AVL9: variants seen among roughly 807,000 people sequenced by gnomAD.
AVL9 encodes AVL9 cell migration associated.
AVL9 carries 49 observed loss-of-function variants against 79.2 expected under a neutral mutation model. The ratio of observed to expected loss-of-function variants is 0.62; its 90% confidence interval spans 0.49 to 0.79. The LOEUF (loss-of-function observed/expected upper bound fraction) is 0.79. Among genes scored for constraint, AVL9 ranks in the 30% least tolerant of loss-of-function variants. AVL9 has a pLI of 0.00. For synonymous variants in AVL9, 299 were observed against 280.6 expected (o/e 1.07, Z -0.65); for missense variants, 682 against 776.8 (o/e 0.88, Z 1.45).
chr7:32,568,545 A>G (rs893707078), intron 10 of AVL9, among the ~76,000 whole-genome samples: 1 of 152,184 alleles, frequency 6.6e-6, no homozygotes, highest in South Asian at 2.1e-4. Context: ...TTATGGCTGC[A>G]GGTTCATTGT....
intron 11 of AVL9, among the ~76,000 whole-genome samples, chr7:32,571,671 T>C (rs923758191): frequency 1.4e-5 from 1 of 71,036 alleles, no homozygotes. Flanking sequence ...AATCCCAAAT[T>C]TGAAGAAGAA....
At chr7:32,549,212 TATA>T (rs143497570) in intron 4 of AVL9, among the ~76,000 whole-genome samples, 15,639 of 50,602 alleles carry the variant, frequency 0.31, 1,159 homozygotes, top group African/African-American at 0.36. Context: ...AAAAAAATTT[TATA>T]TATATATATA....
In AVL9 at chr7:32,588,321, A is replaced by G. The variant is rs1485858957; in HGVS notation, c.*4414A>G. 6.6e-6 allele frequency: 1 copy of G among 152,192 alleles called. No homozygotes were observed. Among genetic ancestry groups the G allele is most frequent in the Non-Finnish European group, 1.5e-5 (1 of 68,028 alleles). The allele number at this position is 152,192 out of a possible 1,614,324, so 9.4% of individuals were successfully genotyped here. On this transcript the variant is annotated 3_prime_UTR_variant, in exon 16 of 16. Transcript: ENST00000318709. ...ATATTAGTATTTTGTAGCTGGAAGAATAAGATCAAGGCTTACATGTTTCAG... is the reference window on the plus strand; with the variant it reads ...ATATTAGTATTTTGTAGCTGGAAGAGTAAGATCAAGGCTTACATGTTTCAG...
At chr7:32,554,531 A>G (rs944792537) in intron 7 of AVL9, 27 bp from the exon 8 acceptor site, 12 of 1,469,434 alleles carry the variant, frequency 8.2e-6, no homozygotes, top group South Asian at 2.5e-5. Context: ...TCTCATTTCA[A>G]TACAACATTT....
intron 1 of AVL9, among the ~76,000 whole-genome samples, chr7:32,502,406 A>G (rs575766188): frequency 3.4e-4 from 47 of 140,158 alleles, no homozygotes; most frequent in Non-Finnish European, 3.7e-4. Context: ...AAAAAAAAAA[A>G]AAAGAAAGAA....
chr7:32,535,271 C>T (rs1157655578), intron 1 of AVL9: 1 of 152,190 alleles, frequency 6.6e-6, no homozygotes, highest in Admixed American at 6.5e-5. Flanking sequence ...TTGGTTTCCA[C>T]TGAGCTCCTT....
intron 8 of AVL9, among the ~76,000 whole-genome samples, chr7:32,555,061 G>A (rs539854685): frequency 1.2e-4 from 18 of 152,234 alleles, no homozygotes; most frequent in African/African-American, 3.6e-4. Context: ...ATTCTTGGCC[G>A]GGCACGGTGG....
At chr7:32,532,713 TTAAAC>T (rs1224131236) in intron 1 of AVL9, 1 of 152,236 alleles carries the variant, frequency 6.6e-6, no homozygotes, top group Non-Finnish European at 1.5e-5. Flanking sequence ...AGTACATGCT[TTAAAC>T]TAAGATACTT....
rs67401065 is a variant in AVL9 at position 32,586,470 on chromosome 7, C to CT, written c.*2563_*2564insT. ...CACCCCTGGTCCTGTGACCCCCCCC[C>CT]CCCACACACACACATACTTCAGGCT... On this transcript the variant is annotated 3_prime_UTR_variant, in exon 16 of 16. Coordinates refer to ENST00000318709, the MANE Select transcript of AVL9 (RefSeq NM_015060.3). 2.0e-5 allele frequency: 1 copy of CT among 51,208 alleles called. No individual in the cohort carries two copies. Among genetic ancestry groups the CT allele is most frequent in the Non-Finnish European group, 4.7e-5 (1 of 21,182 alleles). 3.2% of individuals were successfully genotyped at this position (51,208 alleles called of 1,614,324 possible).
chr7:32,535,399 A>G (rs1292896430), intron 1 of AVL9: 2 of 152,206 alleles, frequency 1.3e-5, no homozygotes, highest in East Asian at 3.9e-4. Flanking sequence ...TCAAATCCCC[A>G]AACAGGCTAG....
chr7:32,496,400 A>G (rs948530754), intron 1 of AVL9, among the ~76,000 whole-genome samples: 2 of 152,134 alleles, frequency 1.3e-5, no homozygotes, highest in South Asian at 2.1e-4. Context: ...TCTTCTCCAG[A>G]TTTTGCCTTT....
intron 1 of AVL9, among the ~76,000 whole-genome samples, chr7:32,524,889 C>T (rs576764254): frequency 6.6e-6 from 1 of 152,274 alleles, no homozygotes; most frequent in South Asian, 2.1e-4. Flanking sequence ...GAAGCCACCC[C>T]TATGCTAATG....
chr7:32,512,990 C>T (rs1407018792), intron 1 of AVL9, among the ~76,000 whole-genome samples: 6 of 103,350 alleles, frequency 5.8e-5, no homozygotes, highest in Admixed American at 2.3e-4. Context: ...TAACTGTGCA[C>T]GCCTGAGGGA....
chr7:32,572,775 C>G (rs1790912513), intron 11 of AVL9, among the ~76,000 whole-genome samples: 2 of 122,198 alleles, frequency 1.6e-5, no homozygotes, highest in Admixed American at 2.1e-4. Flanking sequence ...GCACTCCAGC[C>G]TGGGCGACAG....
At chr7:32,534,815 G>T (rs769093896) in intron 1 of AVL9, 7 of 152,206 alleles carry the variant, frequency 4.6e-5, no homozygotes, top group Non-Finnish European at 1.0e-4. Flanking sequence ...AGGTGTGGTG[G>T]CAGGCACCAG....
intron 12 of AVL9, among the ~76,000 whole-genome samples, chr7:32,574,407 G>C (rs1205863791): frequency 1.3e-5 from 2 of 152,160 alleles, no homozygotes; most frequent in Non-Finnish European, 2.9e-5. Context: ...TGTAGCAGCT[G>C]AGACACCAAA....
rs1470435908 is a variant in AVL9, at chr7:32,558,991, G to GATGGT, written c.743_747dup (p.Gly250MetfsTer44). The GATGGT allele has an allele frequency of 1.2e-6, 2 of 1,613,554 alleles. No individual in the cohort carries two copies. The highest frequency in any genetic ancestry group is 1.7e-6 in the Non-Finnish European group (2 of 1,179,750). On this transcript the variant is annotated frameshift_variant, in exon 10 of 16. Coordinates refer to ENST00000318709, the MANE Select transcript of AVL9 (RefSeq NM_015060.3). LOFTEE classifies it high-confidence loss of function. ...TAGACCCCGGAAAAGTATGTCTGAA[G>GATGGT]ATGGTGGGCTTCAGGAAAGTAACCC... is the stretch of plus-strand genomic sequence containing the variant.
chr7:32,582,278 T>A (rs187654694), intron 15 of AVL9, among the ~76,000 whole-genome samples: 3,185 of 148,878 alleles, frequency 0.021, 124 homozygotes, highest in East Asian at 0.13. Flanking sequence ...TGAAAGAGGT[T>A]GACTAACCGT....
chr7:32,547,690 A>G (rs1789585022), intron 3 of AVL9, among the ~76,000 whole-genome samples: 1 of 152,236 alleles, frequency 6.6e-6, no homozygotes, highest in South Asian at 2.1e-4. Context: ...AAGCAGACAG[A>G]TAAACCAATT....
Sources: allele counts gnomAD v4.1 joint callset (sites outside exome capture counted in the v4.1 genomes callset), GRCh38; gene constraint gnomAD v4.1.1; transcripts MANE v1.5; gene names NCBI Gene and HGNC (gene_info 2026-07-23, HGNC 2026-07-21).